Variants in SLC36A1 observed in about 807,000 individuals in gnomAD.
SLC36A1 encodes proton-coupled amino acid transporter 1.
In SLC36A1, 30 loss-of-function variants were observed where a neutral mutation model predicts 47.5. The observed-to-expected ratio is 0.63, with a 90% CI of 0.47 to 0.86. The LOEUF (loss-of-function observed/expected upper bound fraction) is 0.86, where lower values mean the gene tolerates loss of function less well. Ranked by LOEUF, SLC36A1 falls within the 40% of genes least tolerant of loss-of-function variation. The pLI is 0.00. For synonymous variants in SLC36A1, 255 were observed against 249.7 expected (o/e 1.02, Z -0.20); for missense variants, 517 against 606.0 (o/e 0.85, Z 1.54).
chr5:151,446,413 C>A (rs1752922403), upstream of SLC36A1, among the ~76,000 whole-genome samples: 1 of 152,072 alleles, frequency 6.6e-6, no homozygotes, highest in Non-Finnish European at 1.5e-5. Flanking sequence ...GCCTGTAATC[C>A]CAGCTACTTG....
chr5:151,540,895 A>G, the SLC36A1 span: 1 of 781,080 alleles, frequency 1.3e-6, no homozygotes, highest in Admixed American at 2.9e-5. Context: ...CTTAACTAGG[A>G]ACCCACGATT....
At chr5:151,543,806 G>A in the SLC36A1 span, 1 of 1,614,170 alleles carries the variant, frequency 6.2e-7, no homozygotes, top group Non-Finnish European at 8.5e-7. Context: ...TTTTTGCAAA[G>A]GTTGAACATA....
the SLC36A1 span, chr5:151,507,535 G>A: frequency 6.2e-7 from 1 of 1,614,042 alleles, no homozygotes; most frequent in Non-Finnish European, 8.5e-7. Flanking sequence ...AACTCCTGCT[G>A]CCCCCAGTCC....
At position 151,488,467 on chromosome 5, in the gene SLC36A1, G is replaced by T. The variant is rs1195339605; in HGVS notation, c.*213G>T. ...ACGCAGAAGTGCTACTAGTGACAGG[G>T]CTGCCATCGCTCACCTGTACCTATT... is the stretch of plus-strand genomic sequence containing the variant. On this transcript the variant is annotated 3_prime_UTR_variant, in exon 11 of 11. Coordinates refer to ENST00000243389, the MANE Select transcript of SLC36A1 (RefSeq NM_078483.4). 1 of 609,446 alleles carries T rather than the reference G, an allele frequency of 1.6e-6. No homozygotes were observed. Among genetic ancestry groups the T allele is most frequent in the Non-Finnish European group, 2.8e-6 (1 of 351,302 alleles). 37.8% of individuals were successfully genotyped at this position (609,446 alleles called of 1,614,324 possible). A position where few individuals can be genotyped will look rare whatever the true frequency, so the allele number is the denominator to read the frequency against.
chr5:151,426,926 T>C, the SLC36A1 span, among the ~76,000 whole-genome samples: 1 of 152,208 alleles, frequency 6.6e-6, no homozygotes, highest in African/African-American at 2.4e-5. Context: ...AAACACATTT[T>C]TAACAAAGCA....
chr5:151,381,827 C>A, the SLC36A1 span, among the ~76,000 whole-genome samples: 5 of 152,166 alleles, frequency 3.3e-5, no homozygotes, highest in African/African-American at 1.2e-4. Context: ...TTAAAAACTG[C>A]CCCTAAATGC....
chr5:151,478,808 T>G (rs165356), intron 9 of SLC36A1, among the ~76,000 whole-genome samples: 22,315 of 148,266 alleles, frequency 0.15, 1,991 homozygotes, highest in Non-Finnish European at 0.21. Context: ...GTGGGGTGAG[T>G]GTGTGTTTTT....
At chr5:151,453,226 TAAATA>T (rs1554108489) in intron 1 of SLC36A1, among the ~76,000 whole-genome samples, 30 of 151,446 alleles carry the variant, frequency 2.0e-4, no homozygotes, top group African/African-American at 2.9e-4. Context: ...TTAAAATAAA[TAAATA>T]AAATAAAATA....
the SLC36A1 span, among the ~76,000 whole-genome samples, chr5:151,426,348 C>A: frequency 6.8e-4 from 104 of 151,938 alleles, no homozygotes; most frequent in African/African-American, 2.5e-3. Context: ...CACTATCTCT[C>A]CTATCTCGGT....
At chr5:151,446,445 G>T (rs1330831340), upstream of SLC36A1, among the ~76,000 whole-genome samples, 1 of 152,070 alleles carries the variant, frequency 6.6e-6, no homozygotes, top group African/African-American at 2.4e-5. Flanking sequence ...CAGGAGAATC[G>T]CTTGAATCCA....
In SLC36A1 at chr5:151,458,909, G is replaced by A. The variant is rs1431479840; in HGVS notation, c.117G>A (p.Gln39=). 1 of 1,613,534 alleles carries A rather than the reference G, an allele frequency of 6.2e-7. No individual in the cohort carries two copies. Among genetic ancestry groups the A allele is most frequent in the East Asian group, 2.2e-5 (1 of 44,878 alleles). ...ACCTCTCCTCCCCGGGCTCCTACCAGCGCTTTGGTCAAAGCAATAGCACAA... is the reference window on the plus strand; with the variant it reads ...ACCTCTCCTCCCCGGGCTCCTACCAACGCTTTGGTCAAAGCAATAGCACAA... The part of the protein sequence containing the change: ...LNNLSSPGSY[Q]RFGQSNSTTW... The change falls in exon 2 of 11, where the codon CAG becomes CAA. Residue 39 remains glutamine, a synonymous_variant. Transcript: ENST00000243389.
At chr5:151,529,119 G>T in the SLC36A1 span, 1 of 1,441,712 alleles carries the variant, frequency 6.9e-7, no homozygotes, top group Non-Finnish European at 9.8e-7. Context: ...GTGTGGGGGT[G>T]AGATAAGAAC....
chr5:151,469,430 G>C (rs1159286717), intron 7 of SLC36A1, among the ~76,000 whole-genome samples: 2 of 152,144 alleles, frequency 1.3e-5, no homozygotes, highest in Non-Finnish European at 2.9e-5. Flanking sequence ...GTTGTTGTTA[G>C]TTGTCACATT....
chr5:151,347,471 G>A, the SLC36A1 span: 4 of 1,613,464 alleles, frequency 2.5e-6, no homozygotes, highest in Non-Finnish European at 3.4e-6. Flanking sequence ...GACTGCTTAA[G>A]AAACAAGGAG....
chr5:151,360,177 G>C, the SLC36A1 span, among the ~76,000 whole-genome samples: 3 of 152,094 alleles, frequency 2.0e-5, no homozygotes, highest in Admixed American at 1.3e-4. Context: ...ATAATGCAGG[G>C]ATTAGGAGCA....
the SLC36A1 span, chr5:151,542,885 C>T: frequency 8.1e-6 from 13 of 1,614,084 alleles, no homozygotes; most frequent in African/African-American, 4.0e-5. Context: ...ACCTTTATGA[C>T]CCCTGTGTCT....
chr5:151,467,303 A>AAC lies in SLC36A1; in HGVS notation c.504+20_504+21insAC. ...AAACAGGTAGGCACCTGGTTAAAAA[A>AAC]GAAAAAAAAAAAAAAAACCAGAGCG... On this transcript the variant is annotated intron_variant, in intron 6 of 10. Transcript: ENST00000243389. The AAC allele has an allele frequency of 7.4e-7, 1 of 1,348,986 alleles. No individual in the cohort carries two copies. The highest frequency in any genetic ancestry group is 1.0e-6 in the Non-Finnish European group (1 of 993,510). The allele number at this position is 1,348,986 out of a possible 1,614,324, so 83.6% of individuals were successfully genotyped here.
At chr5:151,351,625 T>C in the SLC36A1 span, among the ~76,000 whole-genome samples, 4 of 152,308 alleles carry the variant, frequency 2.6e-5, no homozygotes, top group Admixed American at 6.5e-5. Context: ...GTTTCTTTTT[T>C]CAGCAAAAGC....
intron 1 of SLC36A1, among the ~76,000 whole-genome samples, chr5:151,452,007 C>T (rs1268722268): frequency 1.3e-5 from 2 of 152,064 alleles, no homozygotes; most frequent in African/African-American, 4.8e-5. Flanking sequence ...TTTTCTGACC[C>T]CTAAGAAGGA....
Sources: gnomAD v4.1 joint callset for allele counts (sites outside exome capture counted in the v4.1 genomes callset) on GRCh38, gnomAD v4.1.1 for gene constraint, MANE v1.5 for transcripts, NCBI Gene and HGNC (gene_info 2026-07-23, HGNC 2026-07-21) for gene names.